Variants in CCDC167 observed in about 807,000 individuals in gnomAD.
The protein encoded by CCDC167 is coiled-coil domain-containing protein 167.
CCDC167 carries 15 observed loss-of-function variants against 12.7 expected under a neutral mutation model. The ratio of observed to expected loss-of-function variants is 1.18; its 90% CI spans 0.79 to 1.81. The LOEUF is 1.81. Ranked by LOEUF, CCDC167 falls within the 40% of genes most tolerant of loss-of-function variation. CCDC167 has a pLI of 0.00. For synonymous variants in CCDC167, 52 were observed against 49.0 expected (o/e 1.06, Z -0.26); for missense variants, 121 against 120.1 (o/e 1.01, Z -0.03).
At chr6:37,491,477 C>T (rs1762021514) in intron 1 of CCDC167, among the ~76,000 whole-genome samples, 1 of 152,224 alleles carries the variant, frequency 6.6e-6, no homozygotes, top group African/African-American at 2.4e-5. Context: ...CGGCTTTACT[C>T]TTGGGAGCTT....
rs562809750 is a variant in CCDC167 at position 37,490,236 on chromosome 6, G to A, written c.43-5042C>T. ...CTGTGTGAGCGGTCCAGGGGCCCAA[G>A]GAACAGGTTGGAGAGTGTGAAGGGT... On this transcript the variant is annotated intron_variant, in intron 1 of 3. Coordinates refer to ENST00000373408, the MANE Select transcript of CCDC167 (RefSeq NM_138493.3). 3.9e-5 allele frequency among the ~76,000 whole-genome samples: 6 copies of A among 152,322 alleles called. 1 individual carries two copies. The highest frequency in any genetic ancestry group is 1.2e-4 in the African/African-American group (5 of 41,572).
chr6:37,485,058 G>A (rs1310732647), intron 2 of CCDC167, 42 bp downstream of exon 2: 2 of 1,549,438 alleles, frequency 1.3e-6, no homozygotes, highest in Admixed American at 3.3e-5. Flanking sequence ...AGGGGGTGGG[G>A]GCCTGATGGG....
chr6:37,495,209 C>T (rs1323237224), intron 1 of CCDC167, among the ~76,000 whole-genome samples: 1 of 152,166 alleles, frequency 6.6e-6, no homozygotes, highest in South Asian at 2.1e-4. Context: ...ACTTTCTGTA[C>T]TAGGGGTCAG....
chr6:37,495,906 C>T (rs1225165064), intron 1 of CCDC167, among the ~76,000 whole-genome samples: 1 of 152,222 alleles, frequency 6.6e-6, no homozygotes, highest in Admixed American at 6.5e-5. Context: ...ACATTCAATA[C>T]TCAGACCCGC....
Position 37,484,792 on chromosome 6 carries a change from T to G in CCDC167, c.190+18A>C. The G allele has an allele frequency of 5.0e-6, 8 of 1,614,202 alleles. No individual in the cohort carries two copies. The highest frequency in any genetic ancestry group is 6.8e-6 in the Non-Finnish European group (8 of 1,180,006). ...GGGACTGGAGGCTGGGGCTGGTAACTGAAAGGAACTTTCTTACCGTAGTTG... is the reference window on the plus strand; with the variant it reads ...GGGACTGGAGGCTGGGGCTGGTAACGGAAAGGAACTTTCTTACCGTAGTTG... On this transcript the variant is annotated intron_variant, in intron 3 of 3. Transcript: ENST00000373408.
In CCDC167 at chr6:37,499,692, C is replaced by G. The variant is rs565689311; in HGVS notation, c.42+130G>C. The G allele has an allele frequency of 1.7e-5, 18 of 1,058,908 alleles. No individual in the cohort carries two copies. The East Asian group carries it at 4.4e-4, about 26-fold the overall frequency. 65.6% of individuals were successfully genotyped at this position (1,058,908 alleles called of 1,614,324 possible). A position where few individuals can be genotyped will look rare whatever the true frequency, so the allele number is the denominator to read the frequency against. Reference sequence around the variant, plus strand: ...GGGCCTTCTCACCCCTCCCGTCCCTCTCCCCAAACCGCGTCGCCCTCTCAT... The same window carrying G: ...GGGCCTTCTCACCCCTCCCGTCCCTGTCCCCAAACCGCGTCGCCCTCTCAT... On this transcript the variant is annotated intron_variant, in intron 1 of 3. Coordinates refer to ENST00000373408, the MANE Select transcript of CCDC167 (RefSeq NM_138493.3).
rs1190967240 is a variant in CCDC167, at chr6:37,484,810, C to T, written c.190G>A (p.Glu64Lys). Reference protein sequence around the residue: ...NSLMNKASNYEKELKFLRQEN... With the variant: ...NSLMNKASNYKKELKFLRQEN... ...TGGTAACTGAAAGGAACTTTCTTAC[C>T]GTAGTTGGAGGCTTTGTTCATTAGG... Residue 64 changes from glutamate (E) to lysine (K), a missense_variant and splice_region_variant, in exon 3 of 4, where the codon GAG becomes AAG. Transcript: ENST00000373408. The T allele has an allele frequency of 5.0e-6, 8 of 1,614,066 alleles. No individual in the cohort carries two copies. The highest frequency in any genetic ancestry group is 1.6e-4 in the Middle Eastern group (1 of 6,084).
intron 1 of CCDC167, among the ~76,000 whole-genome samples, chr6:37,497,138 A>C (rs1762106206): frequency 6.6e-6 from 1 of 152,220 alleles, no homozygotes; most frequent in African/African-American, 2.4e-5. Context: ...GCTTTAGTGG[A>C]ACACTGACAC....
rs1277889166 is a variant in CCDC167, at chr6:37,485,126, G to A, written c.111C>T (p.His37=). 1.2e-6 allele frequency: 2 copies of A among 1,613,322 alleles called. No individual in the cohort carries two copies. The highest frequency in any genetic ancestry group is 1.1e-5 in the South Asian group (1 of 91,064). The change falls in exon 2 of 4, where the codon CAC becomes CAT. Residue 37 remains histidine (H), a synonymous_variant. Transcript: ENST00000373408. ...RDLEAVNSRL[H]SRELSPEARR... ...TGGCCTCTGGGCTCAGCTCCCGGCT[G>A]TGGAGTCTGGAGTTCACGGCCTCCA...
intron 1 of CCDC167, among the ~76,000 whole-genome samples, chr6:37,493,173 C>T (rs1762045493): frequency 6.6e-6 from 1 of 152,314 alleles, no homozygotes; most frequent in African/African-American, 2.4e-5. Flanking sequence ...GCGAGGGAAC[C>T]GCTGCAGCCC....
rs751936132 is a variant in CCDC167, at chr6:37,484,805, C to T, written c.190+5G>A. On this transcript the variant is annotated splice_donor_5th_base_variant and intron_variant, in intron 3 of 3. Coordinates refer to ENST00000373408, the MANE Select transcript of CCDC167 (RefSeq NM_138493.3). ...GGGGCTGGTAACTGAAAGGAACTTT[C>T]TTACCGTAGTTGGAGGCTTTGTTCA... 10 of 1,614,118 alleles carry T rather than the reference C, an allele frequency of 6.2e-6. No individual in the cohort carries two copies. The African/African-American group carries it at 1.3e-4, about 22-fold the overall frequency.
At chr6:37,484,753 C>T in intron 3 of CCDC167, 57 bp downstream of exon 3, 7 of 1,605,718 alleles carry the variant, frequency 4.4e-6, no homozygotes, top group Non-Finnish European at 5.1e-6. Flanking sequence ...GGCTTCTGAC[C>T]CTTCCTGGTT....
chr6:37,486,615 G>A (rs966410650), intron 1 of CCDC167, among the ~76,000 whole-genome samples: 1 of 152,194 alleles, frequency 6.6e-6, no homozygotes, highest in African/African-American at 2.4e-5. Context: ...CATAAGCAGG[G>A]CCCTGTGGGA....
intron 1 of CCDC167, among the ~76,000 whole-genome samples, chr6:37,489,588 G>T (rs973399930): frequency 3.9e-5 from 6 of 152,218 alleles, no homozygotes; most frequent in Non-Finnish European, 5.9e-5. Context: ...AACAGCCTGG[G>T]GGCGGTCTGG....
chr6:37,495,245 A>T (rs543106100), intron 1 of CCDC167, among the ~76,000 whole-genome samples: 28 of 152,354 alleles, frequency 1.8e-4, no homozygotes, highest in African/African-American at 6.5e-4. Context: ...CCACTTTAGG[A>T]TACCGGCTAA....
At chr6:37,490,743 C>G (rs1762007966) in intron 1 of CCDC167, among the ~76,000 whole-genome samples, 1 of 152,126 alleles carries the variant, frequency 6.6e-6, no homozygotes, top group Non-Finnish European at 1.5e-5. Flanking sequence ...GGGACAAGGC[C>G]CTAGCCAAGT....
At chr6:37,487,188 C>G (rs1192888994) in intron 1 of CCDC167, among the ~76,000 whole-genome samples, 1 of 152,194 alleles carries the variant, frequency 6.6e-6, no homozygotes, top group East Asian at 1.9e-4. Context: ...TAGGTCAGGT[C>G]TAGCCCACAG....
At chr6:37,499,662 C>A (rs984089010) in intron 1 of CCDC167, among the ~76,000 whole-genome samples, 160 bp downstream of exon 1, 1 of 152,136 alleles carries the variant, frequency 6.6e-6, no homozygotes, top group Non-Finnish European at 1.5e-5. Context: ...CTCCGGGAAC[C>A]CCGTGGGCCT....
chr6:37,488,759 C>A (rs528844997), intron 1 of CCDC167, among the ~76,000 whole-genome samples: 1 of 152,356 alleles, frequency 6.6e-6, no homozygotes, highest in Admixed American at 6.5e-5. Context: ...AACCACATTT[C>A]ATATTTCAAA....
Sources: gnomAD v4.1 joint callset for allele counts (sites outside exome capture counted in the v4.1 genomes callset) on GRCh38, gnomAD v4.1.1 for gene constraint, MANE v1.5 for transcripts, NCBI Gene and HGNC (gene_info 2026-07-23, HGNC 2026-07-21) for gene names.